Variants in NUP85 observed in about 807,000 individuals in gnomAD.
The protein encoded by NUP85 is nucleoporin 85, also known as nuclear pore complex protein Nup85.
Under a neutral mutation model 92.8 loss-of-function variants are expected in NUP85, and 23 were observed. The observed-to-expected ratio is 0.25, with a 90% confidence interval of 0.18 to 0.35. The LOEUF (loss-of-function observed/expected upper bound fraction) is 0.35. Among genes scored for constraint, NUP85 ranks in the 10% least tolerant of loss-of-function variants. The pLI, the probability that NUP85 is intolerant of heterozygous loss-of-function variation, is 1.00. For missense variants in NUP85, 759 were observed against 822.8 expected (o/e 0.92, Z 0.95); for synonymous variants, 314 against 306.9 (o/e 1.02, Z -0.24).
intron 11 of NUP85, chr17:75,228,824 G>T: frequency 1.0e-6 from 1 of 985,444 alleles, no homozygotes; most frequent in Non-Finnish European, 1.2e-6. Context: ...ACCCTAAGGG[G>T]CAGAAAAGGC....
intron 4 of NUP85, among the ~76,000 whole-genome samples, 180 bp from the exon 5 acceptor site, chr17:75,212,895 AT>A (rs1312501810): frequency 6.6e-6 from 1 of 152,086 alleles, no homozygotes. Flanking sequence ...TGGTTTGAGA[AT>A]TGAAGGGATA....
At chr17:75,218,404 C>T in intron 7 of NUP85, 98 bp downstream of exon 7, 1 of 1,507,332 alleles carries the variant, frequency 6.6e-7, no homozygotes, top group Non-Finnish European at 9.1e-7. Flanking sequence ...CAGCAGTAGG[C>T]TGGCTTTTGG....
intron 7 of NUP85, among the ~76,000 whole-genome samples, chr17:75,221,276 T>G (rs1437630487): frequency 6.6e-6 from 1 of 152,022 alleles, no homozygotes; most frequent in Non-Finnish European, 1.5e-5. Context: ...TCAGCTGGGA[T>G]TATAGGCTCT....
intron 11 of NUP85, among the ~76,000 whole-genome samples, chr17:75,230,707 A>G (rs569358024): frequency 6.2e-4 from 95 of 152,272 alleles, no homozygotes; most frequent in African/African-American, 2.3e-3. Context: ...AGCTAGTGAC[A>G]TCTGTCACCT....
intron 7 of NUP85, 118 bp downstream of exon 7, chr17:75,218,424 C>G: frequency 8.3e-7 from 1 of 1,202,230 alleles, no homozygotes; most frequent in Non-Finnish European, 1.2e-6. Flanking sequence ...GAGTCTGTTA[C>G]TATGGAGACT....
rs776097393 is a variant in NUP85, at chr17:75,233,168, TG to T, written c.1615+13del. 1 of 1,612,778 alleles carries T rather than the reference TG, an allele frequency of 6.2e-7. No homozygotes were observed. The highest frequency in any genetic ancestry group is 1.7e-5 in the Admixed American group (1 of 60,016). Reference sequence around the variant, plus strand: ...CGACTGACATTCCTGGGTGAGTCTCTGGGTTTTGTGCCCTGTGCTTTGGGCA... The same window carrying T: ...CGACTGACATTCCTGGGTGAGTCTCTGGTTTTGTGCCCTGTGCTTTGGGCA... On this transcript the variant is annotated intron_variant, in intron 16 of 18. Transcript: ENST00000245544.
At chr17:75,211,410 C>T (rs1233196116) in intron 3 of NUP85, among the ~76,000 whole-genome samples, 1 of 142,706 alleles carries the variant, frequency 7.0e-6, no homozygotes, top group African/African-American at 2.6e-5. Context: ...TCCTTGCTGG[C>T]AGGGGACCCT....
intron 11 of NUP85, chr17:75,228,867 C>G: frequency 5.1e-6 from 5 of 985,438 alleles, no homozygotes; most frequent in Non-Finnish European, 6.0e-6. Context: ...GGCTGTAGTT[C>G]GTCAGCCCTG....
intron 7 of NUP85, among the ~76,000 whole-genome samples, chr17:75,223,841 G>A (rs1391243412): frequency 6.6e-6 from 1 of 152,022 alleles, no homozygotes; most frequent in Non-Finnish European, 1.5e-5. Flanking sequence ...CTATTGTAGA[G>A]CTTATAATCA....
chr17:75,234,859 C>A, intron 17 of NUP85, 71 bp downstream of exon 17: 1 of 1,566,460 alleles, frequency 6.4e-7, no homozygotes, highest in Non-Finnish European at 8.8e-7. Flanking sequence ...ATAGCTGTTG[C>A]CGATGTGCGT....
At chr17:75,233,284 A>C in intron 16 of NUP85, 126 bp downstream of exon 16, 1 of 712,478 alleles carries the variant, frequency 1.4e-6, no homozygotes, top group South Asian at 1.7e-5. Context: ...TGGTCCCAGA[A>C]ACATCCTCCG....
chr17:75,210,710 G>A (rs2075229659), intron 3 of NUP85, among the ~76,000 whole-genome samples: 1 of 151,754 alleles, frequency 6.6e-6, no homozygotes, highest in Non-Finnish European at 1.5e-5. Flanking sequence ...TTGTTTTTCT[G>A]TTTTTTTTCG....
rs2076035646 is a variant in NUP85, at chr17:75,231,010, C to T, written c.1095-330C>T. ...GCGGTGGCGTGATCTCGGCCGATTG[C>T]AGCCTCTGCTTCCCAGGCTCAAGCA... On this transcript the variant is annotated intron_variant, in intron 11 of 18. Transcript: ENST00000245544. The surrounding 1 kb of genome is among the most constrained non-coding windows in gnomAD (Gnocchi z 4.6). The T allele has an allele frequency of 3.4e-6, 1 of 290,300 alleles. No homozygotes were observed. Among genetic ancestry groups the T allele is most frequent in the South Asian group, 3.6e-5 (1 of 28,138 alleles). 18.0% of individuals were successfully genotyped at this position (290,300 alleles called of 1,614,324 possible). A position where few individuals can be genotyped will look rare whatever the true frequency, so the allele number is the denominator to read the frequency against.
In NUP85 at chr17:75,212,107, TG is replaced by T. The variant is rs71975370; in HGVS notation, c.361+46del. 2,122 of 1,394,864 alleles carry T rather than the reference TG, an allele frequency of 1.5e-3. 19 individuals are homozygous for T. In the African/African-American group the frequency reaches 0.025, roughly 16 times the overall value. 86.4% of individuals were successfully genotyped at this position (1,394,864 alleles called of 1,614,324 possible). A position where few individuals can be genotyped will look rare whatever the true frequency, so the allele number is the denominator to read the frequency against. On this transcript the variant is annotated intron_variant, in intron 4 of 18. Transcript: ENST00000245544. The stretch of plus-strand genomic sequence containing the variant: ...GCGCGCGTGTGTGTGTGTGTGTGTG[TG>T]TGGGTATTTTGAGTATTTATCTATG...
intron 11 of NUP85, among the ~76,000 whole-genome samples, chr17:75,230,295 G>A (rs578077373): frequency 3.9e-5 from 6 of 151,918 alleles, no homozygotes; most frequent in East Asian, 1.9e-4. Flanking sequence ...CACCCGCCTC[G>A]GCCTTTCAGT....
At chr17:75,233,437 C>CTTTTTTTTTTTTTTTTTTT (rs60396796) in intron 16 of NUP85, among the ~76,000 whole-genome samples, 2 of 117,178 alleles carry the variant, frequency 1.7e-5, no homozygotes, top group Middle Eastern at 4.6e-3. Flanking sequence ...TTTATTTTTT[C>CTTTTTTTTTTTTTTTTTTT]TTTTTTTTTT....
At chr17:75,225,073 C>T (rs2075736569) in intron 7 of NUP85, 30 bp from the exon 8 acceptor site, 1 of 1,517,902 alleles carries the variant, frequency 6.6e-7, no homozygotes, top group Non-Finnish European at 8.8e-7. Flanking sequence ...GGCCTCCTGC[C>T]AATGCTTATG....
At chr17:75,228,780 C>T (rs2082821448) in intron 11 of NUP85, 1 of 985,346 alleles carries the variant, frequency 1.0e-6, no homozygotes, top group South Asian at 4.7e-5. Flanking sequence ...CTAAGTGGGC[C>T]CCTGATTTAC....
chr17:75,234,585 T>A, intron 16 of NUP85, 52 bp from the exon 17 acceptor site: 6 of 1,601,072 alleles, frequency 3.7e-6, no homozygotes, highest in Non-Finnish European at 5.1e-6. Context: ...AGGTGTCACT[T>A]GGGCAATTTG....
Sources: allele counts gnomAD v4.1 joint callset (sites outside exome capture counted in the v4.1 genomes callset), GRCh38; gene constraint gnomAD v4.1.1; non-coding constraint Gnocchi (gnomAD v3.1); transcripts MANE v1.5; gene names NCBI Gene and HGNC (gene_info 2026-07-23, HGNC 2026-07-21).